CNTN4: variants seen among roughly 807,000 people sequenced by gnomAD.
The protein encoded by CNTN4 is contactin 4, also known as contactin-4.
In CNTN4, 77 loss-of-function variants were observed where a neutral mutation model predicts 122.5. That is an observed-to-expected ratio of 0.63 (90% CI 0.52 to 0.76). CNTN4 has a LOEUF of 0.76. Ranked by LOEUF, CNTN4 falls within the 30% of genes least tolerant of loss-of-function variation. The pLI is 0.00. For synonymous variants in CNTN4, 512 were observed against 447.0 expected, an observed-to-expected ratio of 1.15 and a Z score of -1.83; for missense variants, 1,256 against 1,259.1, an observed-to-expected ratio of 1.00 and a Z score of 0.04.
At chr3:2,361,015 G>A (rs1328036790) in intron 3 of CNTN4, among the ~76,000 whole-genome samples, 2 of 152,104 alleles carry the variant, frequency 1.3e-5, no homozygotes, top group Non-Finnish European at 2.9e-5. Context: ...CTCTTTTGTG[G>A]GTATTGCACA....
At chr3:2,137,462 T>C (rs1357232471) in intron 2 of CNTN4, among the ~76,000 whole-genome samples, 2 of 152,192 alleles carry the variant, frequency 1.3e-5, no homozygotes, top group Admixed American at 6.5e-5. Context: ...ATGTCTTGTC[T>C]ATATTTTCAT....
intron 13 of CNTN4, among the ~76,000 whole-genome samples, chr3:2,939,835 G>A (rs1301668787): frequency 6.6e-6 from 1 of 152,232 alleles, no homozygotes; most frequent in Non-Finnish European, 1.5e-5. Flanking sequence ...GAGCCCAGTA[G>A]CAAGGGCTCA....
intron 6 of CNTN4, among the ~76,000 whole-genome samples, chr3:2,813,776 T>C (rs1234516655): frequency 6.6e-6 from 1 of 152,150 alleles, no homozygotes; most frequent in African/African-American, 2.4e-5. Flanking sequence ...AGATACTTCT[T>C]CCCCAGCTCT....
At chr3:2,257,224 C>T (rs1153500) in intron 2 of CNTN4, among the ~76,000 whole-genome samples, 35,313 of 151,960 alleles carry the variant, frequency 0.23, 4,390 homozygotes, top group African/African-American at 0.33. Context: ...GTTGGGAAAA[C>T]TGGCTAGCCA....
chr3:2,187,139 T>A (rs1166922725), intron 2 of CNTN4, among the ~76,000 whole-genome samples: 4 of 152,234 alleles, frequency 2.6e-5, no homozygotes, highest in Non-Finnish European at 5.9e-5. Flanking sequence ...TTCAGCTTTC[T>A]ACATATGGCT....
chr3:2,502,800 A>G (rs2076632071), intron 3 of CNTN4, among the ~76,000 whole-genome samples: 1 of 152,174 alleles, frequency 6.6e-6, no homozygotes. Flanking sequence ...AATCACAGCT[A>G]GAACTTTGGT....
intron 3 of CNTN4, among the ~76,000 whole-genome samples, chr3:2,394,987 A>T (rs2046589361): frequency 6.6e-6 from 1 of 151,948 alleles, no homozygotes; most frequent in Non-Finnish European, 1.5e-5. Context: ...GGATTTTACC[A>T]TGTTGGCCAG....
At chr3:2,953,316 T>A (rs1159963915) in intron 13 of CNTN4, among the ~76,000 whole-genome samples, 1 of 152,180 alleles carries the variant, frequency 6.6e-6, no homozygotes, top group East Asian at 1.9e-4. Flanking sequence ...AGATTGTTAA[T>A]TCTAATGACC....
At chr3:2,666,666 C>T (rs773332018) in intron 4 of CNTN4, among the ~76,000 whole-genome samples, 3 of 152,030 alleles carry the variant, frequency 2.0e-5, no homozygotes, top group Non-Finnish European at 4.4e-5. Flanking sequence ...CATATGTATA[C>T]ATGTGCCATG....
chr3:2,478,800 A>G lies in CNTN4; in HGVS notation c.-88-92616A>G, dbSNP rs901226470. Among the ~76,000 whole-genome samples the G allele has an allele frequency of 2.0e-5, 3 of 152,258 alleles. No homozygotes were observed. In the South Asian group the frequency reaches 6.2e-4, roughly 32 times the overall value. ...ATGGCTGAATAGTATTCCATGGTGT[A>G]TATATACCACATTTTCTTTCTCTAG... On this transcript the variant is annotated intron_variant, in intron 3 of 24. Transcript: ENST00000418658.
intron 3 of CNTN4, among the ~76,000 whole-genome samples, chr3:2,422,998 T>C (rs1390984502): frequency 6.6e-6 from 1 of 152,212 alleles, no homozygotes; most frequent in East Asian, 1.9e-4. Flanking sequence ...TTAGTTGCCC[T>C]CTTTTTCACA....
intron 3 of CNTN4, among the ~76,000 whole-genome samples, chr3:2,358,448 A>G (rs755901974): frequency 6.6e-6 from 1 of 151,924 alleles, no homozygotes; most frequent in Non-Finnish European, 1.5e-5. Context: ...TAGCAAAATG[A>G]TAATTCTCTT....
intron 2 of CNTN4, among the ~76,000 whole-genome samples, chr3:2,198,012 A>G (rs1389608748): frequency 6.8e-6 from 1 of 146,578 alleles, no homozygotes; most frequent in Non-Finnish European, 1.5e-5. Flanking sequence ...AACAGAGGCA[A>G]CAGACACTCT....
intron 8 of CNTN4, among the ~76,000 whole-genome samples, chr3:2,881,590 G>A (rs1453564599): frequency 6.8e-6 from 1 of 148,138 alleles, no homozygotes; most frequent in Non-Finnish European, 1.5e-5. Flanking sequence ...GATTGCACCT[G>A]TCCCCCATCC....
At chr3:2,399,219 T>C (rs991550093) in intron 3 of CNTN4, among the ~76,000 whole-genome samples, 34 of 152,238 alleles carry the variant, frequency 2.2e-4, no homozygotes, top group African/African-American at 8.2e-4. Context: ...GCCCTTACTC[T>C]GGGTTAGTTT....
intron 14 of CNTN4, 36 bp from the exon 15 acceptor site, chr3:3,026,066 G>C: frequency 6.3e-7 from 1 of 1,585,294 alleles, no homozygotes; most frequent in Non-Finnish European, 8.7e-7. Context: ...CACAGACTTT[G>C]TTGTTGTTAT....
intron 2 of CNTN4, among the ~76,000 whole-genome samples, chr3:2,202,940 G>C (rs2038166931): frequency 6.6e-6 from 1 of 151,340 alleles, no homozygotes; most frequent in African/African-American, 2.4e-5. Flanking sequence ...TCCTGGCTTA[G>C]CCTCCCAAGT....
chr3:2,493,333 T>G (rs561241478), intron 3 of CNTN4, among the ~76,000 whole-genome samples: 6 of 152,086 alleles, frequency 3.9e-5, no homozygotes, highest in African/African-American at 1.4e-4. Context: ...AGTTTACGTA[T>G]CAGAAAATGC....
chr3:2,188,858 CAGACTA>C (rs1257819540), intron 2 of CNTN4, among the ~76,000 whole-genome samples: 1 of 152,128 alleles, frequency 6.6e-6, no homozygotes, highest in Non-Finnish European at 1.5e-5. Context: ...ACAGCTACCA[CAGACTA>C]AGACTATCAG....
Sources: gnomAD v4.1 joint callset for allele counts (sites outside exome capture counted in the v4.1 genomes callset) on GRCh38, gnomAD v4.1.1 for gene constraint, MANE v1.5 for transcripts, NCBI Gene and HGNC (gene_info 2026-07-23, HGNC 2026-07-21) for gene names.